The following PHKA2 variants were observed in gnomAD, a reference collection of about 807,000 sequenced individuals.
PHKA2 encodes phosphorylase kinase regulatory subunit alpha 2, also known as phosphorylase b kinase regulatory subunit alpha, liver isoform.
Under a neutral mutation model 102.0 loss-of-function variants are expected in PHKA2, and 31 were observed. The ratio of observed to expected loss-of-function variants is 0.30; its 90% CI spans 0.23 to 0.41. The LOEUF (loss-of-function observed/expected upper bound fraction) is 0.41, where lower values mean the gene tolerates loss of function less well. Ranked by LOEUF, PHKA2 falls within the 10% of genes least tolerant of loss-of-function variation. PHKA2 has a pLI of 1.00. For synonymous variants in PHKA2, 455 were observed against 416.2 expected (o/e 1.09, Z -1.13); for missense variants, 858 against 1,023.1 (o/e 0.84, Z 2.20).
At chrX:18,895,447 C>T (rs761515547) in intron 30 of PHKA2, 18 of 400,155 alleles carry the variant, frequency 4.5e-5, no homozygotes, top group South Asian at 2.4e-4. Context: ...AGGGGGCTGC[C>T]GAGTCCTCCC....
At chrX:18,965,359 G>C (rs959979545) in intron 1 of PHKA2, among the ~76,000 whole-genome samples, 7 of 111,960 alleles carry the variant, frequency 6.3e-5, no homozygotes, top group Non-Finnish European at 1.3e-4. Context: ...GAAATATTAA[G>C]TACTGGTGGA....
At chrX:18,919,300 T>C (rs764204847) in intron 18 of PHKA2, among the ~76,000 whole-genome samples, 110 of 111,850 alleles carry the variant, frequency 9.8e-4, no homozygotes, top group Non-Finnish European at 3.4e-4. Context: ...ACAAATGTTA[T>C]ATACGTAGGG....
At chrX:18,908,147 G>T (rs764709002) in intron 21 of PHKA2, 91 bp from the exon 22 acceptor site, 17 of 896,919 alleles carry the variant, frequency 1.9e-5, no homozygotes, top group Non-Finnish European at 2.8e-5. Flanking sequence ...CAGCACTTGG[G>T]CTCTCCCAGT....
chrX:18,941,243 T>C (rs2048484973), intron 8 of PHKA2, among the ~76,000 whole-genome samples: 1 of 111,513 alleles, frequency 9.0e-6, no homozygotes, highest in Admixed American at 9.5e-5. Flanking sequence ...CTATACACTG[T>C]CTGTGACCTC....
At chrX:18,929,995 G>A (rs752000445) in intron 12 of PHKA2, among the ~76,000 whole-genome samples, 2 of 112,370 alleles carry the variant, frequency 1.8e-5, no homozygotes, top group South Asian at 7.4e-4. Context: ...GAAAGGCCTC[G>A]CTGGGTTTCC....
rs138833843 is a variant in PHKA2 at position 18,950,656 on chromosome X, C to A, written c.454+448G>T. On this transcript the variant is annotated intron_variant, in intron 4 of 32. Coordinates refer to ENST00000379942, the MANE Select transcript of PHKA2 (RefSeq NM_000292.3). ...TGCTGATTTATAATACTGATTGCTA[C>A]GGTTTGAATGTGTCCCCTCCAAAAT... Among the ~76,000 whole-genome samples, 15 of 112,907 alleles carry A rather than the reference C, an allele frequency of 1.3e-4. No homozygotes were observed. In the East Asian group the frequency reaches 3.6e-3, roughly 27 times the overall value.
intron 1 of PHKA2, among the ~76,000 whole-genome samples, chrX:18,959,257 C>T (rs1163113580): frequency 8.9e-6 from 1 of 112,126 alleles, no homozygotes; most frequent in East Asian, 2.8e-4. Context: ...TTTTTGGACT[C>T]TGTCTGGCAC....
At chrX:18,937,137 G>A (rs780955571) in intron 10 of PHKA2, among the ~76,000 whole-genome samples, 3 of 111,005 alleles carry the variant, frequency 2.7e-5, no homozygotes, top group South Asian at 7.6e-4. Flanking sequence ...AAGAGCTAAA[G>A]TGAATCTCTG....
chrX:18,925,806 G>A (rs777714067), intron 14 of PHKA2, 29 bp from the exon 15 acceptor site: 3 of 983,851 alleles, frequency 3.0e-6, no homozygotes, highest in East Asian at 6.1e-5. Flanking sequence ...ATAAATTGGA[G>A]TTAGAGGAAA....
chrX:18,945,186 G>A (rs1433718147), intron 5 of PHKA2, 28 bp from the exon 6 acceptor site: 4 of 975,321 alleles, frequency 4.1e-6, no homozygotes, highest in South Asian at 3.9e-5. Context: ...GGGAATCAGA[G>A]GGGAGAAAGA....
chrX:18,944,825 C>T (rs2048552208), intron 6 of PHKA2, among the ~76,000 whole-genome samples: 2 of 112,212 alleles, frequency 1.8e-5, no homozygotes, highest in Admixed American at 9.5e-5. Context: ...AGCTTAGACC[C>T]ATGGGTGATG....
At position 18,938,672 on chromosome X, in the gene PHKA2, C is replaced by A. The variant is rs2048436139; in HGVS notation, c.996G>T (p.Trp332Cys). The A allele has an allele frequency of 9.1e-6, 11 of 1,204,930 alleles. No individual in the cohort carries two copies. The highest frequency in any genetic ancestry group is 1.2e-5 in the Non-Finnish European group (11 of 889,033). The change falls in exon 10 of 33, where the codon TGG becomes TGT. Residue 332 changes from tryptophan to cysteine, a missense_variant. By Grantham distance (215) the Trp-to-Cys change is radical. Transcript: ENST00000379942. ...ENIECEWPVFWTYFIIDGVFS... is the reference protein window; with the variant it reads ...ENIECEWPVFCTYFIIDGVFS... ...AGACTCCATCTATTATAAAATATGT[C>A]CAAAACACAGGCCACTCACATTCAA...
intron 11 of PHKA2, 55 bp from the exon 12 acceptor site, chrX:18,931,803 T>A (rs1481626232): frequency 7.9e-6 from 6 of 761,469 alleles, no homozygotes; most frequent in Admixed American, 2.2e-5. Flanking sequence ...ATGGCCATGA[T>A]ACCTGACCAT....
chrX:18,944,903 C>T (rs772281867), intron 6 of PHKA2, among the ~76,000 whole-genome samples, 175 bp downstream of exon 6: 1 of 112,483 alleles, frequency 8.9e-6, no homozygotes, highest in Admixed American at 9.4e-5. Context: ...TGGAAACCTA[C>T]CTTCTTTACC....
chrX:18,929,613 C>T (rs2048280023), intron 12 of PHKA2, among the ~76,000 whole-genome samples: 1 of 111,543 alleles, frequency 9.0e-6, no homozygotes, highest in South Asian at 3.8e-4. Context: ...TTGTGTTGAG[C>T]CACTGTATGC....
Position 18,918,844 on chromosome X carries a change from G to C in PHKA2, c.1974C>G (p.Asp658Glu). Residue 658 changes from aspartate (D) to glutamate (E), a missense_variant, in exon 19 of 33, where the codon GAC becomes GAG. Asp to Glu is a conservative substitution (Grantham distance 45, BLOSUM62 2). Transcript: ENST00000379942. Reference protein sequence around the residue: ...LEDTCNQESQDELDHYINHLL... With the variant: ...LEDTCNQESQEELDHYINHLL... Reference sequence around the variant, plus strand: ...GGTGGTTGATATAATGGTCAAGTTCGTCTTGGCTTTCTGTAATTGGACAAG... The same window carrying C: ...GGTGGTTGATATAATGGTCAAGTTCCTCTTGGCTTTCTGTAATTGGACAAG... 1 of 1,210,189 alleles carries C rather than the reference G, an allele frequency of 8.3e-7. No individual in the cohort carries two copies. Among genetic ancestry groups the C allele is most frequent in the Non-Finnish European group, 1.1e-6 (1 of 894,303 alleles).
In PHKA2 at chrX:18,971,923, C is replaced by A. The variant is rs1346742880; in HGVS notation, c.78+11932G>T. ...ACGTGATTCAAAAATCTTTCCCATT[C>A]TGTAGCTCATCTTTTAGCCTTGTTT... On this transcript the variant is annotated intron_variant, in intron 1 of 32. Transcript: ENST00000379942. 5.3e-5 allele frequency among the ~76,000 whole-genome samples: 6 copies of A among 112,704 alleles called. No individual in the cohort carries two copies. The Admixed American group carries it at 5.6e-4, about 11-fold the overall frequency.
chrX:18,924,138 A>C lies in PHKA2; in HGVS notation c.1715-4T>G. 2 of 1,188,631 alleles carry C rather than the reference A, an allele frequency of 1.7e-6. No individual in the cohort carries two copies. Among genetic ancestry groups the C allele is most frequent in the Non-Finnish European group, 2.3e-6 (2 of 874,034 alleles). Reference sequence around the variant, plus strand: ...TGAATGTCTGAGCCATCATTTGCTAAGGAAAAAAAGTGATGAATTAGTTTA... The same window carrying C: ...TGAATGTCTGAGCCATCATTTGCTACGGAAAAAAAGTGATGAATTAGTTTA... On this transcript the variant is annotated splice_region_variant and splice_polypyrimidine_tract_variant and intron_variant, in intron 16 of 32. Transcript: ENST00000379942.
Position 18,940,022 on chromosome X carries a change from A to T in PHKA2, c.891T>A (p.Leu297=). 1 of 1,194,973 alleles carries T rather than the reference A, an allele frequency of 8.4e-7. No homozygotes were observed. Among genetic ancestry groups the T allele is most frequent in the Admixed American group, 2.2e-5 (1 of 46,057 alleles). ...CTCTTGGAGTTTTATAACCATCTCGAAGGAAGCGACAGCATCCATAACGCC... is the reference window on the plus strand; with the variant it reads ...CTCTTGGAGTTTTATAACCATCTCGTAGGAAGCGACAGCATCCATAACGCC... The part of the protein sequence containing the change: ...LQGRYGCCRF[L]RDGYKTPRED... The change falls in exon 9 of 33, where the codon CTT becomes CTA. Residue 297 remains leucine, a synonymous_variant. Transcript: ENST00000379942.
Sources: gnomAD v4.1 joint callset for allele counts (sites outside exome capture counted in the v4.1 genomes callset) on GRCh38, gnomAD v4.1.1 for gene constraint, MANE v1.5 for transcripts, NCBI Gene and HGNC (gene_info 2026-07-23, HGNC 2026-07-21) for gene names.